The following RAD51B variants were observed in gnomAD, a reference collection of about 807,000 sequenced individuals.
RAD51B encodes the protein DNA repair protein RAD51 homolog 2.
In RAD51B, 38 loss-of-function variants were observed where a neutral mutation model predicts 42.2. The observed-to-expected ratio is 0.90, with a 90% confidence interval of 0.70 to 1.18. RAD51B has a LOEUF of 1.18. Among genes scored for constraint, RAD51B ranks in the 50% most tolerant of loss-of-function variants. The pLI is 0.00. For missense variants in RAD51B, 373 were observed against 400.7 expected (o/e 0.93, Z 0.59); for synonymous variants, 154 against 145.2 (o/e 1.06, Z -0.43).
At chr14:67,948,931 CAAAA>C (rs59465805) in intron 7 of RAD51B, among the ~76,000 whole-genome samples, 210 of 16,990 alleles carry the variant, frequency 0.012, no homozygotes, top group Admixed American at 0.017. Context: ...GACTCTGTCT[CAAAA>C]AAAAAAAAAA....
At chr14:68,563,219 G>A (rs1368114941) in intron 10 of RAD51B, 9 of 985,234 alleles carry the variant, frequency 9.1e-6, no homozygotes, top group Non-Finnish European at 9.6e-6. Flanking sequence ...TTTCTCCTCC[G>A]TCTCTCATTG....
intron 8 of RAD51B, among the ~76,000 whole-genome samples, chr14:68,336,678 A>T (rs1291247712): frequency 1.3e-5 from 2 of 152,226 alleles, no homozygotes; most frequent in African/African-American, 4.8e-5. Context: ...CTTGCCACCA[A>T]TGCATCTATT....
intron 11 of RAD51B, among the ~76,000 whole-genome samples, chr14:68,660,522 GATTTACACTGT>G (rs1892910828): frequency 6.6e-6 from 1 of 152,208 alleles, no homozygotes; most frequent in African/African-American, 2.4e-5. Context: ...TGCCCTTGAG[GATTTACACTGT>G]AGTTGGGAGA....
intron 7 of RAD51B, among the ~76,000 whole-genome samples, chr14:67,970,181 T>TAACC (rs1439652656): frequency 6.6e-6 from 1 of 152,170 alleles, no homozygotes; most frequent in Non-Finnish European, 1.5e-5. Context: ...ATAATAAAGA[T>TAACC]AACCACTGCC....
At chr14:68,384,696 G>T (rs533403814) in intron 8 of RAD51B, among the ~76,000 whole-genome samples, 1 of 152,196 alleles carries the variant, frequency 6.6e-6, no homozygotes, top group Non-Finnish European at 1.5e-5. Flanking sequence ...TCATTTCCGA[G>T]TTGCAAGTTA....
chr14:68,525,254 T>A (rs534829303), intron 10 of RAD51B, among the ~76,000 whole-genome samples: 1 of 152,330 alleles, frequency 6.6e-6, no homozygotes, highest in Non-Finnish European at 1.5e-5. Context: ...AAATGGATGT[T>A]CCTCTAGAGC....
intron 7 of RAD51B, among the ~76,000 whole-genome samples, chr14:68,083,643 T>G (rs890354886): frequency 6.6e-6 from 1 of 152,222 alleles, no homozygotes; most frequent in Non-Finnish European, 1.5e-5. Flanking sequence ...TAGCATTGGT[T>G]TGGTGGTTAC....
At chr14:68,233,153 A>G (rs1038597207) in intron 7 of RAD51B, among the ~76,000 whole-genome samples, 4 of 152,218 alleles carry the variant, frequency 2.6e-5, no homozygotes, top group African/African-American at 9.6e-5. Flanking sequence ...TTGTTTAGAC[A>G]GTAGAATTTC....
intron 7 of RAD51B, among the ~76,000 whole-genome samples, chr14:68,153,970 A>T (rs997481606): frequency 7.9e-5 from 12 of 152,204 alleles, no homozygotes; most frequent in Admixed American, 6.5e-5. Context: ...TCAATAAGCC[A>T]TGTGATTCAT....
chr14:68,411,141 G>T (rs1044474876), intron 8 of RAD51B, among the ~76,000 whole-genome samples: 3 of 152,134 alleles, frequency 2.0e-5, no homozygotes, highest in Admixed American at 6.5e-5. Flanking sequence ...AGTAGCAATG[G>T]CTCTGAGCTA....
intron 7 of RAD51B, among the ~76,000 whole-genome samples, chr14:68,269,351 C>G (rs1199500779): frequency 6.6e-6 from 1 of 152,218 alleles, no homozygotes; most frequent in African/African-American, 2.4e-5. Flanking sequence ...CCTGACTCAG[C>G]CCTGCCCACT....
At chr14:68,174,209 G>A (rs1033439803) in intron 7 of RAD51B, among the ~76,000 whole-genome samples, 6 of 152,222 alleles carry the variant, frequency 3.9e-5, no homozygotes, top group Middle Eastern at 3.4e-3. Context: ...TTAGAGTACA[G>A]GATAGTCAAG....
chr14:67,965,508 A>G (rs992089499), intron 7 of RAD51B, among the ~76,000 whole-genome samples: 1 of 152,104 alleles, frequency 6.6e-6, no homozygotes, highest in Non-Finnish European at 1.5e-5. Flanking sequence ...TCTCTGGTTT[A>G]AAAACCTTTG....
rs1195467711 is a variant in RAD51B, at chr14:67,853,840, G to T, written c.316-11163G>T. Reference sequence around the variant, plus strand: ...CTTACGTGAATGTCACTGAATCTGTGTATGCTTACATATTCAGTTACAACA... The same window carrying T: ...CTTACGTGAATGTCACTGAATCTGTTTATGCTTACATATTCAGTTACAACA... On this transcript the variant is annotated intron_variant, in intron 4 of 10. Coordinates refer to ENST00000471583, the MANE Select transcript of RAD51B (RefSeq NM_133510.4). 2.0e-5 allele frequency among the ~76,000 whole-genome samples: 3 copies of T among 152,070 alleles called. No homozygotes were observed. In the East Asian group the frequency reaches 5.8e-4, roughly 29 times the overall value.
chr14:68,206,908 G>A lies in RAD51B; in HGVS notation c.757-84976G>A, dbSNP rs184870682. Reference sequence around the variant, plus strand: ...GGGTTCATGCCATTCTCCTGCCTCAGCCTCCCAAGTAGCTGGGACTACAGG... The same window carrying A: ...GGGTTCATGCCATTCTCCTGCCTCAACCTCCCAAGTAGCTGGGACTACAGG... On this transcript the variant is annotated intron_variant, in intron 7 of 10. Coordinates refer to ENST00000471583, the MANE Select transcript of RAD51B (RefSeq NM_133510.4). Among the ~76,000 whole-genome samples, 34 of 151,304 alleles carry A rather than the reference G, an allele frequency of 2.2e-4. No individual in the cohort carries two copies. The East Asian group carries it at 6.1e-3, about 27-fold the overall frequency.
intron 7 of RAD51B, among the ~76,000 whole-genome samples, chr14:68,060,085 G>A (rs2076544440): frequency 6.6e-6 from 1 of 152,126 alleles, no homozygotes; most frequent in South Asian, 2.1e-4. Flanking sequence ...CCAGTGCCAT[G>A]ACCACTTTTT....
intron 5 of RAD51B, among the ~76,000 whole-genome samples, chr14:67,876,316 G>A (rs148451713): frequency 1.3e-5 from 2 of 152,226 alleles, no homozygotes; most frequent in East Asian, 1.9e-4. Context: ...TACATTAAGC[G>A]TATGTTTTAT....
intron 8 of RAD51B, among the ~76,000 whole-genome samples, chr14:68,302,331 T>C (rs971721216): frequency 6.6e-6 from 1 of 152,084 alleles, no homozygotes; most frequent in Non-Finnish European, 1.5e-5. Context: ...GGCATTAGGT[T>C]TGGGATGTTT....
At chr14:68,030,955 C>T (rs1024689931) in intron 7 of RAD51B, among the ~76,000 whole-genome samples, 1 of 152,120 alleles carries the variant, frequency 6.6e-6, no homozygotes, top group African/African-American at 2.4e-5. Context: ...GGGGAATGGC[C>T]AGTTTGTAAA....
Sources: allele counts gnomAD v4.1 joint callset (sites outside exome capture counted in the v4.1 genomes callset), GRCh38; gene constraint gnomAD v4.1.1; transcripts MANE v1.5; gene names NCBI Gene and HGNC (gene_info 2026-07-23, HGNC 2026-07-21).